PCDHGB2: variants seen among roughly 807,000 people sequenced by gnomAD.
PCDHGB2 encodes the protein protocadherin gamma-B2.
A neutral mutation model predicts 59.3 loss-of-function variants in PCDHGB2; 55 were observed. That is an observed-to-expected ratio of 0.93 (90% CI 0.75 to 1.16). The LOEUF is 1.16. Ranked by LOEUF, PCDHGB2 falls within the 50% of genes most tolerant of loss-of-function variation. The pLI is 0.00. For missense variants in PCDHGB2, 1,228 were observed against 1,198.5 expected, an observed-to-expected ratio of 1.02 and a Z score of -0.36; for synonymous variants, 516 against 512.0, an observed-to-expected ratio of 1.01 and a Z score of -0.11.
intron 1 of PCDHGB2, chr5:141,413,227 G>A (rs552225139): frequency 1.9e-5 from 30 of 1,613,938 alleles, no homozygotes; most frequent in Non-Finnish European, 2.5e-5. Flanking sequence ...CAGCGGGCTG[G>A]TCCTGCTCTG....
In PCDHGB2 at chr5:141,367,047, A is replaced by G. The variant is rs866542840; in HGVS notation, c.2421+4491A>G. Reference sequence around the variant, plus strand: ...ATTGGAACTGCAGTTCTATTAATAGAAAAGATGTTTTATTTATTCAAATTG... The same window carrying G: ...ATTGGAACTGCAGTTCTATTAATAGGAAAGATGTTTTATTTATTCAAATTG... On this transcript the variant is annotated intron_variant, in intron 1 of 3. Coordinates refer to ENST00000522605, the MANE Select transcript of PCDHGB2 (RefSeq NM_018923.3). 8 of 336,290 alleles carry G rather than the reference A, an allele frequency of 2.4e-5. No individual in the cohort carries two copies. In the Middle Eastern group the frequency reaches 2.8e-3, roughly 116 times the overall value. 20.8% of individuals were successfully genotyped at this position (336,290 alleles called of 1,614,324 possible).
rs1213653891 is a variant in PCDHGB2 at position 141,419,687 on chromosome 5, C to T, written c.2421+57131C>T. 1.9e-6 allele frequency: 3 copies of T among 1,612,692 alleles called. No individual in the cohort carries two copies. In the African/African-American group the frequency reaches 4.0e-5, roughly 22 times the overall value. On this transcript the variant is annotated intron_variant, in intron 1 of 3. Transcript: ENST00000522605. ...TGCCTGGCTGTCCTACCACGTGGTG[C>T]AGGCCAGTGAGCCCGGGCTCTTCAG...
chr5:141,394,506 C>G, intron 1 of PCDHGB2: 2 of 1,614,214 alleles, frequency 1.2e-6, no homozygotes, highest in Non-Finnish European at 1.7e-6. Context: ...GATCCTGTAC[C>G]CCGCCCTCCC....
intron 1 of PCDHGB2, chr5:141,400,151 C>T: frequency 6.2e-7 from 1 of 1,614,086 alleles, no homozygotes; most frequent in Non-Finnish European, 8.5e-7. Context: ...ACTGACCGCC[C>T]TGTACCCTCT....
At chr5:141,393,777 G>A (rs1388423635) in intron 1 of PCDHGB2, 2 of 1,613,916 alleles carry the variant, frequency 1.2e-6, no homozygotes, top group East Asian at 2.2e-5. Context: ...AATACAAGCC[G>A]AAGATGTGGG....
At chr5:141,365,423 G>C (rs182594355) in intron 1 of PCDHGB2, 2 of 1,614,018 alleles carry the variant, frequency 1.2e-6, no homozygotes, top group South Asian at 2.2e-5. Context: ...TCCCGGAACT[G>C]TAATCGCGCT....
chr5:141,404,047 A>G, intron 1 of PCDHGB2: 1 of 1,613,860 alleles, frequency 6.2e-7, no homozygotes, highest in Non-Finnish European at 8.5e-7. Context: ...AGGGAACAGT[A>G]ATTCTTCTTT....
chr5:141,463,125 G>A (rs2099053159), intron 1 of PCDHGB2, among the ~76,000 whole-genome samples: 3 of 152,192 alleles, frequency 2.0e-5, no homozygotes, highest in East Asian at 1.9e-4. Context: ...ATAGCTCCCT[G>A]GCAGTTCTTC....
intron 1 of PCDHGB2, chr5:141,410,112 C>T (rs775292594): frequency 1.9e-6 from 3 of 1,612,566 alleles, no homozygotes; most frequent in East Asian, 4.5e-5. Context: ...GACAGGGACG[C>T]AGCCCGCCAG....
At chr5:141,395,105 G>A in intron 1 of PCDHGB2, 1 of 1,614,220 alleles carries the variant, frequency 6.2e-7, no homozygotes, top group East Asian at 2.2e-5. Context: ...CCGACTCGCG[G>A]AAGAGTCACC....
In PCDHGB2 at chr5:141,360,397, G is replaced by A. The variant is rs776903612; in HGVS notation, c.262G>A (p.Asp88Asn). ...NPESGDLLVS[D>N]RIDREQICGK... is the part of the protein sequence containing the mutation. Reference sequence around the variant, plus strand: ...AGAAAGCGGAGACTTACTTGTGAGTGACAGAATAGACCGAGAACAGATATG... The same window carrying A: ...AGAAAGCGGAGACTTACTTGTGAGTAACAGAATAGACCGAGAACAGATATG... The change falls in exon 1 of 4, where the codon GAC becomes AAC. Residue 88 changes from aspartate (D) to asparagine (N), a missense_variant. Coordinates refer to ENST00000522605, the MANE Select transcript of PCDHGB2 (RefSeq NM_018923.3). 4.3e-6 allele frequency: 7 copies of A among 1,613,928 alleles called. No individual in the cohort carries two copies. The highest frequency in any genetic ancestry group is 2.2e-5 in the East Asian group (1 of 44,868).
At chr5:141,505,780 G>A (rs1595982811) in intron 3 of PCDHGB2, among the ~76,000 whole-genome samples, 1 of 139,456 alleles carries the variant, frequency 7.2e-6, no homozygotes, top group Non-Finnish European at 1.6e-5. Flanking sequence ...TCCTAGCTCT[G>A]CTACTATCCT....
intron 1 of PCDHGB2, among the ~76,000 whole-genome samples, chr5:141,465,538 A>AT (rs2099105284): frequency 6.6e-6 from 1 of 152,112 alleles, no homozygotes; most frequent in Non-Finnish European, 1.5e-5. Context: ...TTTCCCAGGC[A>AT]TTTTTTCTGC....
At chr5:141,448,999 GT>G (rs910018882) in intron 1 of PCDHGB2, among the ~76,000 whole-genome samples, 2 of 151,816 alleles carry the variant, frequency 1.3e-5, no homozygotes, top group African/African-American at 4.8e-5. Context: ...ATAGAAAGCT[GT>G]TTTTTTTAAC....
chr5:141,465,777 C>G (rs2099109055), intron 1 of PCDHGB2, among the ~76,000 whole-genome samples: 2 of 151,768 alleles, frequency 1.3e-5, no homozygotes, highest in African/African-American at 2.4e-5. Flanking sequence ...TCTCTTGTTA[C>G]AGTTTTTTTT....
chr5:141,432,969 C>T lies in PCDHGB2; in HGVS notation c.2422-61838C>T, dbSNP rs754836894. On this transcript the variant is annotated intron_variant, in intron 1 of 3. Coordinates refer to ENST00000522605, the MANE Select transcript of PCDHGB2 (RefSeq NM_018923.3). The surrounding 1 kb of genome is among the most constrained non-coding windows in gnomAD (Gnocchi z 6.0). ...GGAGGCGGCTTGACAGGAGCGCCGG[C>T]GTCGCACTTTGTGGGCGTGGACGGG... The T allele has an allele frequency of 3.7e-6, 6 of 1,614,030 alleles. No individual in the cohort carries two copies. In the African/African-American group the frequency reaches 8.0e-5, roughly 22 times the overall value.
chr5:141,450,675 CG>C (rs2098689980), intron 1 of PCDHGB2, among the ~76,000 whole-genome samples: 1 of 151,614 alleles, frequency 6.6e-6, no homozygotes, highest in Non-Finnish European at 1.5e-5. Flanking sequence ...TTAGTAGAAA[CG>C]GGGTTTTGCC....
At chr5:141,450,831 T>TATA (rs761717068) in intron 1 of PCDHGB2, among the ~76,000 whole-genome samples, 3 of 144,648 alleles carry the variant, frequency 2.1e-5, no homozygotes, top group Non-Finnish European at 4.5e-5. Flanking sequence ...TTATTATTAT[T>TATA]TTTTTTTTTT....
intron 1 of PCDHGB2, among the ~76,000 whole-genome samples, chr5:141,363,225 C>A (rs1260243395): frequency 2.0e-5 from 3 of 152,330 alleles, no homozygotes; most frequent in African/African-American, 7.2e-5. Context: ...ATCTTACAAC[C>A]TATGTTCACA....
Sources: allele counts gnomAD v4.1 joint callset (sites outside exome capture counted in the v4.1 genomes callset), GRCh38; gene constraint gnomAD v4.1.1; non-coding constraint Gnocchi (gnomAD v3.1); transcripts MANE v1.5; gene names NCBI Gene and HGNC (gene_info 2026-07-23, HGNC 2026-07-21).